Variants in LPGAT1 observed in about 807,000 individuals in gnomAD.
The protein encoded by LPGAT1 is acyl-CoA:lysophosphatidylglycerol acyltransferase 1.
In LPGAT1, 11 loss-of-function variants were observed where a neutral mutation model predicts 47.5. That is an observed-to-expected ratio of 0.23 (90% CI 0.15 to 0.38). The LOEUF (loss-of-function observed/expected upper bound fraction) is 0.38, where lower values mean the gene tolerates loss of function less well. Among genes scored for constraint, LPGAT1 ranks in the 10% least tolerant of loss-of-function variants. The probability of loss-of-function intolerance (pLI) is 1.00; values close to 1 mark genes in which losing one functional copy is unlikely to be tolerated. For missense variants in LPGAT1, 293 were observed against 439.0 expected (o/e 0.67, Z 2.97); for synonymous variants, 138 against 144.2 (o/e 0.96, Z 0.31).
Position 211,749,944 on chromosome 1 carries a change from A to G in LPGAT1, c.1068T>C (p.Tyr356=). The change falls in exon 8 of 8, where the codon TAT becomes TAC. Residue 356 remains tyrosine, a synonymous_variant. Transcript: ENST00000366997. ...LIQSFAFLSG[Y]MWYNIIQYFY... is the part of the protein sequence containing the mutation. ...AATACTGAATGATGTTGTACCACAT[A>G]TAGCCTGACAAAAATGCAAAAGACT... 2 of 1,614,140 alleles carry G rather than the reference A, an allele frequency of 1.2e-6. No individual in the cohort carries two copies. The highest frequency in any genetic ancestry group is 1.7e-6 in the Non-Finnish European group (2 of 1,179,984).
intron 2 of LPGAT1, 118 bp from the exon 3 acceptor site, chr1:211,793,308 G>A (rs1020675588): frequency 6.4e-5 from 36 of 564,432 alleles, no homozygotes; most frequent in South Asian, 1.1e-4. Flanking sequence ...TAAAACATCC[G>A]AAAGTTTAGA....
intron 6 of LPGAT1, among the ~76,000 whole-genome samples, chr1:211,763,590 G>T (rs918120704): frequency 5.3e-5 from 8 of 152,120 alleles, no homozygotes; most frequent in Non-Finnish European, 1.2e-4. Flanking sequence ...ACTTTGTTAA[G>T]TAACATACGT....
intron 1 of LPGAT1, chr1:211,829,538 C>A: frequency 2.9e-6 from 4 of 1,401,194 alleles, no homozygotes; most frequent in Non-Finnish European, 3.7e-6. Context: ...TTCACCGAGG[C>A]ACGAAGTATG....
At chr1:211,801,596 T>C (rs1158763409) in intron 2 of LPGAT1, among the ~76,000 whole-genome samples, 2 of 151,768 alleles carry the variant, frequency 1.3e-5, no homozygotes, top group Non-Finnish European at 2.9e-5. Flanking sequence ...TAGTCCTAGC[T>C]ATTTGGGAGG....
At chr1:211,751,493 T>A (rs1657181535) in intron 6 of LPGAT1, among the ~76,000 whole-genome samples, 1 of 152,130 alleles carries the variant, frequency 6.6e-6, no homozygotes. Context: ...GGTGGGAAAG[T>A]CTGAGAAGCA....
chr1:211,815,083 C>G (rs150638588), intron 2 of LPGAT1, among the ~76,000 whole-genome samples: 1 of 152,288 alleles, frequency 6.6e-6, no homozygotes, highest in African/African-American at 2.4e-5. Flanking sequence ...CCTCTCGTCA[C>G]TTCGTACTGA....
rs377469384 is a variant in LPGAT1 at position 211,821,676 on chromosome 1, T to C, written c.238+7383A>G. ...ATACGCTATTTTAAATAAATATTACTGACTAAGATTGGGTGAGGAAGAAGA... is the reference window on the plus strand; with the variant it reads ...ATACGCTATTTTAAATAAATATTACCGACTAAGATTGGGTGAGGAAGAAGA... On this transcript the variant is annotated intron_variant, in intron 2 of 7. Coordinates refer to ENST00000366997, the MANE Select transcript of LPGAT1 (RefSeq NM_014873.3). Among the ~76,000 whole-genome samples, 129 of 152,246 alleles carry C rather than the reference T, an allele frequency of 8.5e-4. 1 individual carries two copies. The highest frequency in any genetic ancestry group is 3.0e-3 in the African/African-American group (123 of 41,548).
intron 6 of LPGAT1, among the ~76,000 whole-genome samples, chr1:211,753,535 A>G (rs1461316707): frequency 1.4e-4 from 21 of 151,972 alleles, no homozygotes; most frequent in Non-Finnish European, 3.1e-4. Flanking sequence ...AAGAGCTCCT[A>G]TTGTTCTCAG....
At chr1:211,817,285 T>C (rs1251460689) in intron 2 of LPGAT1, among the ~76,000 whole-genome samples, 1 of 152,122 alleles carries the variant, frequency 6.6e-6, no homozygotes, top group Non-Finnish European at 1.5e-5. Flanking sequence ...CATAAAACCA[T>C]CCGTCGCTGG....
chr1:211,788,796 C>T (rs943389290), intron 3 of LPGAT1, among the ~76,000 whole-genome samples: 9 of 152,076 alleles, frequency 5.9e-5, no homozygotes, highest in African/African-American at 1.7e-4. Context: ...AAAGTGAAAG[C>T]TACAACCTCA....
At chr1:211,759,553 G>A (rs1454971183) in intron 6 of LPGAT1, among the ~76,000 whole-genome samples, 4 of 152,036 alleles carry the variant, frequency 2.6e-5, no homozygotes, top group African/African-American at 9.7e-5. Flanking sequence ...GCTTTCTACT[G>A]TAATTGGATT....
chr1:211,788,402 G>A (rs928354621), intron 3 of LPGAT1, among the ~76,000 whole-genome samples: 3 of 152,120 alleles, frequency 2.0e-5, no homozygotes, highest in African/African-American at 4.8e-5. Context: ...AAAACTACAG[G>A]CCAGGCACAG....
At chr1:211,784,783 T>C (rs907095137) in intron 4 of LPGAT1, among the ~76,000 whole-genome samples, 30 of 148,554 alleles carry the variant, frequency 2.0e-4, no homozygotes, top group African/African-American at 7.2e-4. Context: ...AGCTTACAAC[T>C]AAATATCACA....
chr1:211,811,982 A>T (rs1183007562), intron 2 of LPGAT1, among the ~76,000 whole-genome samples: 1 of 152,196 alleles, frequency 6.6e-6, no homozygotes, highest in Admixed American at 6.5e-5. Flanking sequence ...CAGCTCTATC[A>T]CTCACATTGT....
rs147356354 is a variant in LPGAT1 at position 211,795,657 on chromosome 1, G to A, written c.239-2467C>T. On this transcript the variant is annotated intron_variant, in intron 2 of 7. Coordinates refer to ENST00000366997, the MANE Select transcript of LPGAT1 (RefSeq NM_014873.3). ...GCTGAGACTACAGGCCTGAGCCACC[G>A]CGCCCAGCCTAGTTATGTTTTTAAA... is the stretch of plus-strand genomic sequence containing the variant. Among the ~76,000 whole-genome samples, 500 of 152,120 alleles carry A rather than the reference G, an allele frequency of 3.3e-3. 1 individual carries two copies. Among genetic ancestry groups the A allele is most frequent in the African/African-American group, 0.011 (474 of 41,520 alleles).
At chr1:211,800,948 C>A (rs1659550166) in intron 2 of LPGAT1, among the ~76,000 whole-genome samples, 1 of 152,216 alleles carries the variant, frequency 6.6e-6, no homozygotes, top group Non-Finnish European at 1.5e-5. Flanking sequence ...AATTTGATCA[C>A]CTCAAGAGGA....
chr1:211,819,709 G>A (rs1472906551), intron 2 of LPGAT1, among the ~76,000 whole-genome samples: 1 of 152,162 alleles, frequency 6.6e-6, no homozygotes, highest in Non-Finnish European at 1.5e-5. Context: ...GAGTTGCCGC[G>A]CACGGTGGCT....
chr1:211,829,699 G>C (rs1660658902), intron 1 of LPGAT1: 2 of 1,035,888 alleles, frequency 1.9e-6, no homozygotes, highest in South Asian at 7.0e-5. Flanking sequence ...GAAGACACAA[G>C]TGACATGACC....
At chr1:211,787,044 G>C (rs1210396084) in intron 4 of LPGAT1, among the ~76,000 whole-genome samples, 1 of 152,178 alleles carries the variant, frequency 6.6e-6, no homozygotes, top group Non-Finnish European at 1.5e-5. Flanking sequence ...CTAAGAAACT[G>C]AATAGTGGGG....
Sources: allele counts gnomAD v4.1 joint callset (sites outside exome capture counted in the v4.1 genomes callset), GRCh38; gene constraint gnomAD v4.1.1; transcripts MANE v1.5; gene names NCBI Gene and HGNC (gene_info 2026-07-23, HGNC 2026-07-21).